Variants in PLXNA1 observed in about 807,000 individuals in gnomAD.
The protein encoded by PLXNA1 is plexin-A1.
A neutral mutation model predicts 191.7 loss-of-function variants in PLXNA1; 77 were observed. The observed-to-expected ratio is 0.40, with a 90% CI of 0.33 to 0.49. The LOEUF is 0.49. Ranked by LOEUF, PLXNA1 falls within the 20% of genes least tolerant of loss-of-function variation. PLXNA1 has a pLI of 0.63. For missense variants in PLXNA1, 2,110 were observed against 2,660.2 expected (o/e 0.79, Z 4.55); for synonymous variants, 1,137 against 1,156.4 (o/e 0.98, Z 0.34).
At chr3:127,017,114 TCCCTGCCCCTGC>T (rs1189300304) in intron 17 of PLXNA1, 77 bp downstream of exon 17, 1 of 1,323,010 alleles carries the variant, frequency 7.6e-7, no homozygotes, top group African/African-American at 1.4e-5. Flanking sequence ...AATACCCGTG[TCCCTGCCCCTGC>T]CCCTACCCCT....
At position 126,988,676 on chromosome 3, in the gene PLXNA1, C is replaced by T. The variant is rs752935886; in HGVS notation, c.83C>T (p.Ala28Val). The change falls in exon 2 of 32, where the codon GCA (alanine) becomes GTA (valine). Residue 28 changes from alanine to valine, a missense_variant. Ala to Val is a moderately conservative substitution (Grantham distance 64). Around this residue, in one of 4 missense-constraint regions of PLXNA1, gnomAD observed 903 missense variants for 1,015.7 expected, o/e 0.89. Transcript: ENST00000393409. ...CTGCTGCCGGGCATGTGGGCTGAGG[C>T]AGGCTTGCCCAGGGCAGGCGGGGGT... Reference protein sequence around the residue: ...LLLLPGMWAEAGLPRAGGGSQ... With the variant: ...LLLLPGMWAEVGLPRAGGGSQ... 68 of 1,575,740 alleles carry T rather than the reference C, an allele frequency of 4.3e-5. No homozygotes were observed. The highest frequency in any genetic ancestry group is 5.4e-5 in the Non-Finnish European group (63 of 1,160,020).
Position 127,034,053 on chromosome 3 carries a change from A to C in PLXNA1, c.*36A>C. On this transcript the variant is annotated 3_prime_UTR_variant, in exon 32 of 32. Transcript: ENST00000393409. ...TGATCATCCAGCATGATGCAGCGTG[A>C]GGACAGCTGAGCAGGGACCGGGACA... 1 of 1,540,336 alleles carries C rather than the reference A, an allele frequency of 6.5e-7. No homozygotes were observed. Among genetic ancestry groups the C allele is most frequent in the Non-Finnish European group, 8.8e-7 (1 of 1,133,842 alleles).
At chr3:127,005,714 T>G (rs1576677004) in intron 7 of PLXNA1, among the ~76,000 whole-genome samples, 3 of 129,592 alleles carry the variant, frequency 2.3e-5, no homozygotes, top group South Asian at 2.4e-4. Context: ...TGGGAGTGGG[T>G]GAGGGGTGGG....
In PLXNA1 at chr3:126,996,058, C is replaced by T. The variant is rs191331529; in HGVS notation, c.1377+4492C>T. Among the ~76,000 whole-genome samples, 1,065 of 152,296 alleles carry T rather than the reference C, an allele frequency of 7.0e-3. 7 individuals are homozygous for T. The highest frequency in any genetic ancestry group is 0.024 in the Middle Eastern group (7 of 294). On this transcript the variant is annotated intron_variant, in intron 3 of 31. Transcript: ENST00000393409. The stretch of plus-strand genomic sequence containing the variant: ...CAGCACCTCCTGCAGCTTTCCTGGT[C>T]CCCACCATTCTTCAGCACTCCTAGG...
intron 20 of PLXNA1, among the ~76,000 whole-genome samples, chr3:127,019,442 G>A (rs2079141956): frequency 6.6e-6 from 1 of 152,212 alleles, no homozygotes; most frequent in Admixed American, 6.5e-5. Context: ...AGGTGGCCTG[G>A]ACCTCCCTTG....
In PLXNA1 at chr3:127,017,620, ACTGGC is replaced by A; in HGVS notation, c.3476_3480del (p.Gly1159AlafsTer115). 1 of 1,613,482 alleles carries A rather than the reference ACTGGC, an allele frequency of 6.2e-7. No individual in the cohort carries two copies. The highest frequency in any genetic ancestry group is 8.5e-7 in the Non-Finnish European group (1 of 1,179,974). On this transcript the variant is annotated frameshift_variant, in exon 18 of 32. Transcript: ENST00000393409. LOFTEE classifies it high-confidence loss of function. Reference sequence around the variant, plus strand: ...CCCCGTACTGGAGCCACTCAGCCCCACTGGCCTGCTGGAGCTGAAGCCCAGCTCCC... The same window carrying A: ...CCCCGTACTGGAGCCACTCAGCCCCACTGCTGGAGCTGAAGCCCAGCTCCC...
At chr3:127,022,923 G>A (rs539518820) in intron 23 of PLXNA1, 105 bp downstream of exon 23, 1 of 1,044,592 alleles carries the variant, frequency 9.6e-7, no homozygotes, top group Non-Finnish European at 1.5e-6. Context: ...ATGACAGCTG[G>A]TGGGGTCTTG....
chr3:126,987,929 C>G (rs2078967750), intron 1 of PLXNA1, among the ~76,000 whole-genome samples: 1 of 151,994 alleles, frequency 6.6e-6, no homozygotes, highest in Non-Finnish European at 1.5e-5. Context: ...CCTGTGTGGC[C>G]TGGGCCTCCA....
chr3:127,027,728 T>C (rs890423109), intron 23 of PLXNA1: 6 of 717,742 alleles, frequency 8.4e-6, no homozygotes, highest in Admixed American at 2.0e-5. Flanking sequence ...TCATGTGATA[T>C]TTGTGGGATG....
chr3:127,029,737 A>G, intron 27 of PLXNA1, 137 bp from the exon 28 acceptor site: 8 of 1,138,246 alleles, frequency 7.0e-6, no homozygotes, highest in Non-Finnish European at 9.9e-6. Context: ...CAATTATGCC[A>G]CCTCTGTGGT....
At chr3:127,020,801 G>A (rs9880283) in intron 21 of PLXNA1, among the ~76,000 whole-genome samples, 8,653 of 152,316 alleles carry the variant, frequency 0.057, 287 homozygotes, top group South Asian at 0.14. Context: ...GCCTCGCTGG[G>A]CAGGGGCCGT....
At chr3:127,027,726 T>G in intron 23 of PLXNA1, 5 of 712,808 alleles carry the variant, frequency 7.0e-6, no homozygotes, top group East Asian at 5.6e-5. Flanking sequence ...TTTCATGTGA[T>G]ATTTGTGGGA....
At chr3:127,003,744 C>G (rs953359033) in intron 4 of PLXNA1, among the ~76,000 whole-genome samples, 2 of 152,250 alleles carry the variant, frequency 1.3e-5, no homozygotes, top group Non-Finnish European at 2.9e-5. Context: ...CACCCCTCCC[C>G]TGTTGACTTC....
In PLXNA1 at chr3:127,032,381, C is replaced by T. The variant is rs1366414871; in HGVS notation, c.5232-6C>T. 2 of 1,613,338 alleles carry T rather than the reference C, an allele frequency of 1.2e-6. No homozygotes were observed. Among genetic ancestry groups the T allele is most frequent in the African/African-American group, 1.3e-5 (1 of 74,928 alleles). ...ATCTGAGCAGCGCCTGGACTCTCGC[C>T]TGCAGCCTGCCCCTGCGCTTCTGGG... On this transcript the variant is annotated splice_region_variant and splice_polypyrimidine_tract_variant and intron_variant, in intron 29 of 31. Coordinates refer to ENST00000393409, the MANE Select transcript of PLXNA1 (RefSeq NM_032242.4).
chr3:127,012,601 C>T (rs1329844737), intron 10 of PLXNA1, among the ~76,000 whole-genome samples: 3 of 152,244 alleles, frequency 2.0e-5, no homozygotes, highest in South Asian at 4.1e-4. Flanking sequence ...CGCATGGCTC[C>T]GTCCATCCCT....
intron 23 of PLXNA1, among the ~76,000 whole-genome samples, chr3:127,024,829 T>G (rs2079169376): frequency 6.6e-6 from 1 of 152,166 alleles, no homozygotes; most frequent in Admixed American, 6.5e-5. Flanking sequence ...TAGGGCTGTT[T>G]CCATCCACAT....
chr3:127,013,995 GC>G (rs1559961002), intron 10 of PLXNA1, 24 bp from the exon 11 acceptor site: 1 of 1,605,634 alleles, frequency 6.2e-7, no homozygotes, highest in Non-Finnish European at 8.5e-7. Context: ...TAGCTGGGAA[GC>G]CTGACGGTGC....
chr3:126,995,303 C>T (rs2079010020), intron 3 of PLXNA1, among the ~76,000 whole-genome samples: 1 of 152,164 alleles, frequency 6.6e-6, no homozygotes, highest in Admixed American at 6.5e-5. Flanking sequence ...CTGCTCCCAG[C>T]TCCTCCCGTG....
chr3:127,000,877 C>T (rs767765871), intron 3 of PLXNA1, among the ~76,000 whole-genome samples: 2 of 152,180 alleles, frequency 1.3e-5, no homozygotes, highest in Non-Finnish European at 2.9e-5. Flanking sequence ...TGTGCTGTGC[C>T]GTAGTGGCCT....
Sources: gnomAD v4.1 joint callset for allele counts (sites outside exome capture counted in the v4.1 genomes callset) on GRCh38, gnomAD v4.1.1 for gene constraint, gnomAD v4.1.1 regional missense constraint, MANE v1.5 for transcripts, NCBI Gene and HGNC (gene_info 2026-07-23, HGNC 2026-07-21) for gene names.